Variants in WAPL observed in about 807,000 individuals in gnomAD.
The protein encoded by WAPL is WAPL cohesin release factor.
Under a neutral mutation model 121.0 loss-of-function variants are expected in WAPL, and 5 were observed. That is an observed-to-expected ratio of 0.04 (90% CI 0.02 to 0.09). The LOEUF is 0.09. WAPL is among the 10% of genes least tolerant of loss of function. The pLI, the probability that WAPL is intolerant of heterozygous loss-of-function variation, is 1.00. For synonymous variants in WAPL, 480 were observed against 481.5 expected, an observed-to-expected ratio of 1.00 and a Z score of 0.04; for missense variants, 999 against 1,410.8, an observed-to-expected ratio of 0.71 and a Z score of 4.68.
At chr10:86,473,785 A>T in intron 5 of WAPL, 93 bp downstream of exon 5, 1 of 1,018,790 alleles carries the variant, frequency 9.8e-7, no homozygotes, top group Non-Finnish European at 1.5e-6. Context: ...TTAAATAGAA[A>T]AGTCAAAGAT....
intron 5 of WAPL, among the ~76,000 whole-genome samples, chr10:86,473,236 A>T (rs960294643): frequency 6.6e-6 from 1 of 152,208 alleles, no homozygotes; most frequent in Non-Finnish European, 1.5e-5. Context: ...TCTTTATACT[A>T]TCAAAAGGAG....
intron 12 of WAPL, among the ~76,000 whole-genome samples, chr10:86,456,637 C>G (rs913045960): frequency 6.6e-6 from 1 of 152,202 alleles, no homozygotes; most frequent in Non-Finnish European, 1.5e-5. Flanking sequence ...TTAAAACATA[C>G]TGAGGAAGTT....
chr10:86,512,755 G>C (rs924501583), intron 2 of WAPL, among the ~76,000 whole-genome samples: 1 of 152,190 alleles, frequency 6.6e-6, no homozygotes, highest in Non-Finnish European at 1.5e-5. Context: ...AAAATCCAGG[G>C]AGTAAAGGAT....
In WAPL at chr10:86,500,065, C is replaced by T. The variant is rs1842218432; in HGVS notation, c.1178G>A (p.Gly393Glu). The change falls in exon 3 of 19, where the codon GGA becomes GAA. Residue 393 changes from glycine (G) to glutamate (E), a missense_variant. Gly to Glu is a moderately conservative substitution (Grantham distance 98, BLOSUM62 -2). Around this residue, in one of 7 missense-constraint regions of WAPL, gnomAD observed 531 missense variants for 563.1 expected, o/e 0.94. Coordinates refer to ENST00000298767, the MANE Select transcript of WAPL (RefSeq NM_015045.5). ...CTTTTTTCTGAGACGACCAGCTTCT[C>T]CCAAATCTGCAGGAGTGGATGCAGT... ...EFTASTPADL[G>E]EAGRLRKKAD... 6.2e-7 allele frequency: 1 copy of T among 1,614,022 alleles called. No individual in the cohort carries two copies. The highest frequency in any genetic ancestry group is 8.5e-7 in the Non-Finnish European group (1 of 1,180,044).
intron 4 of WAPL, among the ~76,000 whole-genome samples, chr10:86,477,082 C>A (rs1178644539): frequency 6.6e-6 from 1 of 152,002 alleles, no homozygotes; most frequent in Non-Finnish European, 1.5e-5. Flanking sequence ...CAGTGTCTTA[C>A]AAGATTAATA....
intron 1 of WAPL, among the ~76,000 whole-genome samples, chr10:86,519,073 ATTTTCC>A (rs932232261): frequency 5.9e-5 from 9 of 151,288 alleles, no homozygotes; most frequent in African/African-American, 1.7e-4. Context: ...TACAACTTTT[ATTTTCC>A]TTTTCAATTT....
At chr10:86,466,520 T>C (rs1370553457) in intron 9 of WAPL, among the ~76,000 whole-genome samples, 1 of 152,008 alleles carries the variant, frequency 6.6e-6, no homozygotes, top group Non-Finnish European at 1.5e-5. Context: ...CAGTGAGCTA[T>C]GACTGCACCA....
intron 2 of WAPL, among the ~76,000 whole-genome samples, chr10:86,509,773 T>G (rs866659535): frequency 0.02 from 3,094 of 151,356 alleles, 120 homozygotes; most frequent in African/African-American, 0.071. Context: ...TGGTTTTTTT[T>G]TTTTTTTTTG....
intron 4 of WAPL, among the ~76,000 whole-genome samples, chr10:86,484,640 C>T (rs947132923): frequency 8.5e-5 from 13 of 152,244 alleles, no homozygotes; most frequent in Admixed American, 6.5e-4. Context: ...CATTCACTCA[C>T]TGACTCCCAA....
At chr10:86,461,071 T>C (rs1841260768) in intron 10 of WAPL, 105 bp downstream of exon 10, 10 of 922,828 alleles carry the variant, frequency 1.1e-5, no homozygotes, top group African/African-American at 6.8e-5. Context: ...ATAATGATAA[T>C]AGACATTTCC....
intron 1 of WAPL, among the ~76,000 whole-genome samples, chr10:86,520,661 CCTAA>C (rs1842657067): frequency 6.6e-6 from 1 of 150,708 alleles, no homozygotes; most frequent in Non-Finnish European, 1.5e-5. Flanking sequence ...CAAAGACTGT[CCTAA>C]CTAAAAAGGA....
At chr10:86,510,632 T>A (rs1198907681) in intron 2 of WAPL, among the ~76,000 whole-genome samples, 1 of 152,170 alleles carries the variant, frequency 6.6e-6, no homozygotes, top group African/African-American at 2.4e-5. Flanking sequence ...TAATACTCCT[T>A]TTCCTCAGAA....
Position 86,442,029 on chromosome 10 carries a change from C to A in WAPL, c.3411+1246G>T, listed in dbSNP as rs573403171. ...TTCATCCATCAAACAACAGCTTTTT[C>A]TTTTCTTCTTTTTTTTTGAAACAGT... On this transcript the variant is annotated intron_variant, in intron 17 of 18. Coordinates refer to ENST00000298767, the MANE Select transcript of WAPL (RefSeq NM_015045.5). 6.0e-5 allele frequency among the ~76,000 whole-genome samples: 9 copies of A among 150,246 alleles called. No individual in the cohort carries two copies. In the South Asian group the frequency reaches 1.9e-3, roughly 31 times the overall value.
At chr10:86,437,664 G>A (rs1051180036) in intron 18 of WAPL, 56 bp from the exon 19 acceptor site, 1 of 1,568,610 alleles carries the variant, frequency 6.4e-7, no homozygotes, top group Non-Finnish European at 8.7e-7. Flanking sequence ...CAGATTTTAA[G>A]AAGTATAAAT....
intron 17 of WAPL, 58 bp downstream of exon 17, chr10:86,443,217 A>C: frequency 7.5e-7 from 1 of 1,331,608 alleles, no homozygotes; most frequent in East Asian, 2.3e-5. Context: ...AAAGGTATGA[A>C]GTCGTTACAT....
intron 2 of WAPL, among the ~76,000 whole-genome samples, chr10:86,503,701 C>T (rs1370967605): frequency 6.6e-6 from 1 of 151,022 alleles, no homozygotes; most frequent in East Asian, 2.0e-4. Flanking sequence ...TGCAGTGAGC[C>T]AAGATCACAC....
chr10:86,514,505 G>A (rs1243332669), intron 2 of WAPL, among the ~76,000 whole-genome samples: 3 of 152,202 alleles, frequency 2.0e-5, no homozygotes, highest in Non-Finnish European at 4.4e-5. Context: ...GAGGAAGGAA[G>A]ATGGACAAGA....
At chr10:86,468,882 C>A (rs1178891399) in intron 8 of WAPL, among the ~76,000 whole-genome samples, 3 of 151,986 alleles carry the variant, frequency 2.0e-5, no homozygotes, top group Non-Finnish European at 4.4e-5. Flanking sequence ...AGGTGGATCA[C>A]CTAAGGTCGG....
At chr10:86,513,170 T>G (rs958405135) in intron 2 of WAPL, among the ~76,000 whole-genome samples, 2 of 152,068 alleles carry the variant, frequency 1.3e-5, no homozygotes, top group Non-Finnish European at 2.9e-5. Flanking sequence ...AATTTTTTTG[T>G]ATTTTTAGTA....
Sources: allele counts gnomAD v4.1 joint callset (sites outside exome capture counted in the v4.1 genomes callset), GRCh38; gene constraint gnomAD v4.1.1; regional missense constraint gnomAD v4.1.1; transcripts MANE v1.5; gene names NCBI Gene and HGNC (gene_info 2026-07-23, HGNC 2026-07-21).